Variants in AKAP10 observed in about 807,000 individuals in gnomAD.
The protein encoded by AKAP10 is A-kinase anchor protein 10, mitochondrial.
A neutral mutation model predicts 80.8 loss-of-function variants in AKAP10; 24 were observed. That is an observed-to-expected ratio of 0.30 (90% CI 0.22 to 0.42). The LOEUF (loss-of-function observed/expected upper bound fraction) is 0.42, where lower values mean the gene tolerates loss of function less well. Among genes scored for constraint, AKAP10 ranks in the 10% least tolerant of loss-of-function variants. The pLI is 1.00. For missense variants in AKAP10, 661 were observed against 794.9 expected, an observed-to-expected ratio of 0.83 and a Z score of 2.03; for synonymous variants, 291 against 277.7, an observed-to-expected ratio of 1.05 and a Z score of -0.48.
In AKAP10 at chr17:19,969,277, G is replaced by A. The variant is rs146893195; in HGVS notation, c.89-816C>T. On this transcript the variant is annotated intron_variant, in intron 1 of 14. Coordinates refer to ENST00000225737, the MANE Select transcript of AKAP10 (RefSeq NM_007202.4). ...AGAGAATTGCTTGAACCCAGGAGGC[G>A]GAGGTTGCAGTGAGCCGAGATCGCG... is the stretch of plus-strand genomic sequence containing the variant. 2.7e-3 allele frequency among the ~76,000 whole-genome samples: 411 copies of A among 152,208 alleles called. 15 individuals are homozygous for A. The East Asian group carries it at 0.074, about 27-fold the overall frequency.
At chr17:19,917,039 C>T (rs998996631) in intron 12 of AKAP10, among the ~76,000 whole-genome samples, 29 of 151,866 alleles carry the variant, frequency 1.9e-4, no homozygotes, top group African/African-American at 6.5e-4. Flanking sequence ...CAGAGGCGAG[C>T]GGATCACGAG....
chr17:19,953,568 G>A (rs539098834), intron 4 of AKAP10, among the ~76,000 whole-genome samples: 7 of 151,938 alleles, frequency 4.6e-5, no homozygotes, highest in Admixed American at 6.6e-5. Context: ...CTACAAACCC[G>A]AAATGCTATA....
intron 4 of AKAP10, among the ~76,000 whole-genome samples, chr17:19,950,722 G>A (rs1000997725): frequency 5.9e-5 from 9 of 152,284 alleles, no homozygotes; most frequent in South Asian, 4.1e-4. Flanking sequence ...GCCTCTGCCC[G>A]GCCGCCACCC....
chr17:19,929,923 G>A (rs2042914040), intron 10 of AKAP10, among the ~76,000 whole-genome samples: 1 of 149,426 alleles, frequency 6.7e-6, no homozygotes. Context: ...GTTGCAGTGA[G>A]CCACGATCGT....
intron 5 of AKAP10, among the ~76,000 whole-genome samples, chr17:19,946,692 T>A (rs1295124059): frequency 6.7e-6 from 1 of 150,008 alleles, no homozygotes; most frequent in Non-Finnish European, 1.5e-5. Flanking sequence ...GTTAGCAAAT[T>A]GTCTTTATTC....
At chr17:19,935,968 CTTTT>C (rs948663257) in intron 9 of AKAP10, 2 of 190,272 alleles carry the variant, frequency 1.1e-5, no homozygotes, top group Non-Finnish European at 2.1e-5. Context: ...CTTGGTTATT[CTTTT>C]ATCTTTTTAG....
intron 5 of AKAP10, among the ~76,000 whole-genome samples, chr17:19,945,155 T>C (rs2043089689): frequency 6.6e-6 from 1 of 152,220 alleles, no homozygotes; most frequent in African/African-American, 2.4e-5. Context: ...CAAAATGTTA[T>C]CAACTTGATC....
At chr17:19,965,925 T>G (rs1209367031) in intron 2 of AKAP10, among the ~76,000 whole-genome samples, 1 of 152,142 alleles carries the variant, frequency 6.6e-6, no homozygotes, top group Admixed American at 6.6e-5. Context: ...TTTCCTCATT[T>G]TAGAGATGAA....
At chr17:19,918,336 T>C (rs1291063248) in intron 12 of AKAP10, among the ~76,000 whole-genome samples, 1 of 151,750 alleles carries the variant, frequency 6.6e-6, no homozygotes, top group Non-Finnish European at 1.5e-5. Context: ...GGTCAGGAGT[T>C]TGAGACCAGA....
intron 2 of AKAP10, among the ~76,000 whole-genome samples, chr17:19,966,510 C>T (rs1482085717): frequency 6.6e-6 from 1 of 152,150 alleles, no homozygotes; most frequent in Non-Finnish European, 1.5e-5. Flanking sequence ...GGTCTATTTG[C>T]TACTGTTCTG....
chr17:19,946,237 TTATATA>T (rs1171891537), intron 5 of AKAP10, among the ~76,000 whole-genome samples: 29 of 15,170 alleles, frequency 1.9e-3, no homozygotes, highest in African/African-American at 5.4e-3. Context: ...TATATATATA[TTATATA>T]TATATATATA....
chr17:19,937,569 A>T (rs2043005652), intron 8 of AKAP10, among the ~76,000 whole-genome samples: 1 of 152,160 alleles, frequency 6.6e-6, no homozygotes, highest in South Asian at 2.1e-4. Context: ...ACAAAATGTG[A>T]ATCTCCTATG....
chr17:19,968,564 G>A, intron 1 of AKAP10, 103 bp from the exon 2 acceptor site: 1 of 971,162 alleles, frequency 1.0e-6, no homozygotes, highest in South Asian at 1.5e-5. Context: ...AGTATTCAAA[G>A]TTCTAGAACA....
chr17:19,970,558 C>G lies in AKAP10; in HGVS notation c.89-2097G>C, dbSNP rs146043706. ...TATTTCCTGGCCAAGCGCAGTGGCT[C>G]ACACCTGTAATCCCAGGACTTTGGG... On this transcript the variant is annotated intron_variant, in intron 1 of 14. Transcript: ENST00000225737. Among the ~76,000 whole-genome samples the G allele has an allele frequency of 6.8e-3, 1,032 of 152,284 alleles. 14 individuals are homozygous for G. The highest frequency in any genetic ancestry group is 0.024 in the African/African-American group (980 of 41,548).
rs765472306 is a variant in AKAP10, at chr17:19,958,283, A to G, written c.608T>C (p.Leu203Pro). 6.2e-7 allele frequency: 1 copy of G among 1,614,096 alleles called. No individual in the cohort carries two copies. The highest frequency in any genetic ancestry group is 1.3e-5 in the African/African-American group (1 of 74,940). Residue 203 changes from leucine to proline, a missense_variant, in exon 4 of 15, where the codon CTT becomes CCT. Physicochemically the swap from Leu to Pro is moderately conservative, Grantham distance 98. Coordinates refer to ENST00000225737, the MANE Select transcript of AKAP10 (RefSeq NM_007202.4). ...GCCAGAATCCTCCAATCTCTTATCA[A>G]GAGAATCAGTTAAAAAAGACGCTGT... Reference protein sequence around the residue: ...ETTASFLTDSLDKRLEDSGSA... With the variant: ...ETTASFLTDSPDKRLEDSGSA...
Position 19,958,217 on chromosome 17 carries a change from A to C in AKAP10, c.674T>G (p.Leu225Arg). The C allele has an allele frequency of 6.2e-7, 1 of 1,614,190 alleles. No individual in the cohort carries two copies. ...LFMTHSEGID[L>R]NNRTNSTQNH... is the part of the protein sequence containing the mutation. ...CTGAGTGCTGTTAGTTCTATTATTCAGGTCAATTCCTTCTGAATGAGTCAT... is the reference window on the plus strand; with the variant it reads ...CTGAGTGCTGTTAGTTCTATTATTCCGGTCAATTCCTTCTGAATGAGTCAT... Residue 225 changes from leucine (L) to arginine (R), a missense_variant, in exon 4 of 15, where the codon CTG becomes CGG. Leu to Arg is a moderately radical substitution (Grantham distance 102, BLOSUM62 -2). Transcript: ENST00000225737.
intron 14 of AKAP10, 33 bp downstream of exon 14, chr17:19,909,147 CT>C: frequency 7.8e-6 from 12 of 1,546,488 alleles, no homozygotes; most frequent in Non-Finnish European, 7.9e-6. Flanking sequence ...GAAAATAATA[CT>C]TTTTAGTTTA....
chr17:19,968,508 C>A, intron 1 of AKAP10, 47 bp from the exon 2 acceptor site: 1 of 1,477,248 alleles, frequency 6.8e-7, no homozygotes, highest in South Asian at 1.1e-5. Context: ...AGTCAGAGAT[C>A]CATTCTATAA....
At chr17:19,920,832 G>T (rs536671349) in intron 11 of AKAP10, among the ~76,000 whole-genome samples, 1 of 119,564 alleles carries the variant, frequency 8.4e-6, no homozygotes, top group East Asian at 2.3e-4. Context: ...CTCCAGCCTG[G>T]GCAACAGAGC....
Sources: allele counts gnomAD v4.1 joint callset (sites outside exome capture counted in the v4.1 genomes callset), GRCh38; gene constraint gnomAD v4.1.1; transcripts MANE v1.5; gene names NCBI Gene and HGNC (gene_info 2026-07-23, HGNC 2026-07-21).